Variants in NCOA2 observed in about 807,000 individuals in gnomAD.
The protein encoded by NCOA2 is nuclear receptor coactivator 2, also known as class E basic helix-loop-helix protein 75.
In NCOA2, 21 loss-of-function variants were observed where a neutral mutation model predicts 145.1. That is an observed-to-expected ratio of 0.14 (90% CI 0.10 to 0.21). The LOEUF (loss-of-function observed/expected upper bound fraction) is 0.21, where lower values mean the gene tolerates loss of function less well. Among genes scored for constraint, NCOA2 ranks in the 10% least tolerant of loss-of-function variants. NCOA2 has a pLI of 1.00. For missense variants in NCOA2, 1,472 were observed against 1,837.6 expected (o/e 0.80, Z 3.64); for synonymous variants, 619 against 637.5 (o/e 0.97, Z 0.44).
Position 70,124,711 on chromosome 8 carries a change from C to T in NCOA2, c.4071G>A (p.Ala1357=), listed in dbSNP as rs199825485. 1.8e-5 allele frequency: 29 copies of T among 1,610,558 alleles called. No individual in the cohort carries two copies. The highest frequency in any genetic ancestry group is 2.2e-5 in the Non-Finnish European group (26 of 1,178,800). The part of the protein sequence containing the change: ...YQAPSDINGW[A]QGNMGGNSMF... ...ACCTGTTTCCGCCCATGTTCCCCTG[C>T]GCCCATCCATTTATGTCGGAGGGGG... The change falls in exon 20 of 23, where the codon GCG becomes GCA. Residue 1357 remains alanine, a synonymous_variant. Coordinates refer to ENST00000452400, the MANE Select transcript of NCOA2 (RefSeq NM_006540.4).
intron 1 of NCOA2, among the ~76,000 whole-genome samples, chr8:70,383,748 G>A (rs954654534): frequency 1.3e-5 from 2 of 152,006 alleles, no homozygotes; most frequent in Non-Finnish European, 2.9e-5. Flanking sequence ...CAGGTGATCC[G>A]CCCACCTCGG....
intron 19 of NCOA2, among the ~76,000 whole-genome samples, chr8:70,125,326 A>T (rs1028687614): frequency 1.3e-5 from 2 of 152,160 alleles, no homozygotes; most frequent in Admixed American, 1.3e-4. Context: ...CAGTGGCGTG[A>T]TCATAGTTCA....
Position 70,121,282 on chromosome 8 carries a change from A to G in NCOA2, c.4383+20T>C. The G allele has an allele frequency of 6.3e-7, 1 of 1,595,206 alleles. No individual in the cohort carries two copies. The highest frequency in any genetic ancestry group is 8.6e-7 in the Non-Finnish European group (1 of 1,166,048). ...GTTTGCTTTACTTCCATATTCATATATTTCACTGTTCTTTCTTACCCGTGT... is the reference window on the plus strand; with the variant it reads ...GTTTGCTTTACTTCCATATTCATATGTTTCACTGTTCTTTCTTACCCGTGT... On this transcript the variant is annotated intron_variant, in intron 22 of 22. Transcript: ENST00000452400.
Position 70,226,618 on chromosome 8 carries a change from C to T in NCOA2, c.-19-9854G>A, listed in dbSNP as rs888384406. Among the ~76,000 whole-genome samples the T allele has an allele frequency of 2.0e-5, 3 of 150,202 alleles. No individual in the cohort carries two copies. In the East Asian group the frequency reaches 5.8e-4, roughly 29 times the overall value. On this transcript the variant is annotated intron_variant, in intron 2 of 22. Coordinates refer to ENST00000452400, the MANE Select transcript of NCOA2 (RefSeq NM_006540.4). ...TAATTCTATAACAATTTCCAACCTA[C>T]TAAATCTGTATAACTATACTTAAAA...
At chr8:70,360,238 T>C (rs1411230128) in intron 1 of NCOA2, among the ~76,000 whole-genome samples, 1 of 152,128 alleles carries the variant, frequency 6.6e-6, no homozygotes, top group Non-Finnish European at 1.5e-5. Flanking sequence ...AAGAAAACCG[T>C]TGATTTGTCC....
chr8:70,153,641 T>C (rs958814766), intron 11 of NCOA2, among the ~76,000 whole-genome samples: 5 of 152,176 alleles, frequency 3.3e-5, no homozygotes, highest in East Asian at 1.9e-4. Context: ...CGGAGTGCCA[T>C]TGTCTGTGCC....
intron 13 of NCOA2, among the ~76,000 whole-genome samples, chr8:70,144,440 T>A (rs1810794957): frequency 6.6e-6 from 1 of 152,164 alleles, no homozygotes; most frequent in African/African-American, 2.4e-5. Context: ...AAAGTAACAA[T>A]CACAGAATTA....
intron 1 of NCOA2, among the ~76,000 whole-genome samples, chr8:70,357,732 G>C (rs1278883585): frequency 1.3e-5 from 2 of 150,892 alleles, no homozygotes; most frequent in Admixed American, 6.6e-5. Context: ...GACAGAGCAA[G>C]ACTCCATCTC....
chr8:70,334,888 G>T (rs1182381230), intron 1 of NCOA2, among the ~76,000 whole-genome samples: 1 of 152,002 alleles, frequency 6.6e-6, no homozygotes, highest in African/African-American at 2.4e-5. Context: ...ACTTTGGGAG[G>T]CCGAGGTGGC....
At chr8:70,147,110 T>TCGCGCGCGCGCGCGCG (rs71758835) in intron 12 of NCOA2, among the ~76,000 whole-genome samples, 2 of 149,482 alleles carry the variant, frequency 1.3e-5, no homozygotes, top group African/African-American at 5.0e-5. Flanking sequence ...TGCAAATCTT[T>TCGCGCGCGCGCGCGCG]CGCGCGCGCG....
chr8:70,286,040 A>AT (rs1826208642), intron 2 of NCOA2, among the ~76,000 whole-genome samples: 1 of 152,362 alleles, frequency 6.6e-6, no homozygotes, highest in African/African-American at 2.4e-5. Context: ...AATAAAAAGC[A>AT]TATTATGCCT....
At chr8:70,387,091 C>T (rs188539804) in intron 1 of NCOA2, among the ~76,000 whole-genome samples, 34 of 152,174 alleles carry the variant, frequency 2.2e-4, no homozygotes, top group African/African-American at 5.5e-4. Flanking sequence ...CTCGCTTTAA[C>T]GCCCGGTCTG....
chr8:70,271,424 T>C (rs772318903), intron 2 of NCOA2, among the ~76,000 whole-genome samples: 5 of 152,352 alleles, frequency 3.3e-5, no homozygotes, highest in African/African-American at 4.8e-5. Context: ...AAGCAGTCAT[T>C]ATGCTCTTTT....
chr8:70,398,789 T>A (rs1044359999), intron 1 of NCOA2, among the ~76,000 whole-genome samples: 1 of 152,208 alleles, frequency 6.6e-6, no homozygotes, highest in Non-Finnish European at 1.5e-5. Flanking sequence ...GAGAACCAAC[T>A]GAAAATTATC....
intron 2 of NCOA2, among the ~76,000 whole-genome samples, chr8:70,270,086 G>A (rs1004279186): frequency 1.3e-5 from 2 of 152,100 alleles, no homozygotes; most frequent in African/African-American, 4.8e-5. Flanking sequence ...GGAGGCTGCG[G>A]TGGGAGAATC....
chr8:70,403,315 G>C (rs1433477976), intron 1 of NCOA2, among the ~76,000 whole-genome samples: 1 of 151,010 alleles, frequency 6.6e-6, no homozygotes, highest in African/African-American at 2.4e-5. Context: ...CGCACCCCCG[G>C]CCGCGCCTCG....
chr8:70,259,440 T>C (rs1183575610), intron 2 of NCOA2, among the ~76,000 whole-genome samples: 2 of 150,480 alleles, frequency 1.3e-5, no homozygotes, highest in Admixed American at 1.3e-4. Context: ...ACAGGACTTA[T>C]TATGATACCT....
chr8:70,311,575 A>C (rs1805125644), intron 1 of NCOA2, among the ~76,000 whole-genome samples: 2 of 152,232 alleles, frequency 1.3e-5, no homozygotes, highest in African/African-American at 4.8e-5. Flanking sequence ...CCAACATTCC[A>C]TTATAAAAAG....
chr8:70,135,489 T>G (rs1809630685), intron 15 of NCOA2, among the ~76,000 whole-genome samples: 1 of 152,170 alleles, frequency 6.6e-6, no homozygotes, highest in Admixed American at 6.5e-5. Flanking sequence ...TAAAAACCAC[T>G]TTTATATTCA....
Sources: allele counts gnomAD v4.1 joint callset (sites outside exome capture counted in the v4.1 genomes callset), GRCh38; gene constraint gnomAD v4.1.1; transcripts MANE v1.5; gene names NCBI Gene and HGNC (gene_info 2026-07-23, HGNC 2026-07-21).